Variants in HHAT observed in about 807,000 individuals in gnomAD.
The protein encoded by HHAT is protein-cysteine N-palmitoyltransferase HHAT.
Under a neutral mutation model 70.8 loss-of-function variants are expected in HHAT, and 47 were observed. That is an observed-to-expected ratio of 0.66 (90% CI 0.53 to 0.85). The LOEUF is 0.85. Ranked by LOEUF, HHAT falls within the 40% of genes least tolerant of loss-of-function variation. HHAT has a pLI of 0.00. For missense variants in HHAT, 609 were observed against 604.8 expected (o/e 1.01, Z -0.07); for synonymous variants, 228 against 247.6 (o/e 0.92, Z 0.74).
At chr1:210,672,353 T>C (rs1337624004) in intron 11 of HHAT, among the ~76,000 whole-genome samples, 4 of 152,206 alleles carry the variant, frequency 2.6e-5, no homozygotes, top group East Asian at 3.8e-4. Context: ...CCACTGTCTG[T>C]CTGCCTGCCT....
At chr1:210,371,787 A>C (rs2089595171) in intron 3 of HHAT, among the ~76,000 whole-genome samples, 1 of 152,196 alleles carries the variant, frequency 6.6e-6, no homozygotes, top group South Asian at 2.1e-4. Context: ...AAACGTTGCC[A>C]AGAGATCAAT....
Position 210,361,459 on chromosome 1 carries a change from C to T in HHAT, c.92-1393C>T, listed in dbSNP as rs186542297. On this transcript the variant is annotated intron_variant, in intron 2 of 11. Transcript: ENST00000261458. ...TGTGGCTGGGGCTCCTGGAGGTGTGCGGTGTGTACCCTGGGCCGGTTTGCA... is the reference window on the plus strand; with the variant it reads ...TGTGGCTGGGGCTCCTGGAGGTGTGTGGTGTGTACCCTGGGCCGGTTTGCA... Among the ~76,000 whole-genome samples the T allele has an allele frequency of 2.6e-5, 4 of 152,182 alleles. No individual in the cohort carries two copies. The East Asian group carries it at 7.7e-4, about 29-fold the overall frequency.
intron 8 of HHAT, among the ~76,000 whole-genome samples, chr1:210,469,350 C>T (rs2094160865): frequency 6.6e-6 from 1 of 152,096 alleles, no homozygotes; most frequent in Non-Finnish European, 1.5e-5. Flanking sequence ...CTAGATGATG[C>T]CTGTGTTCCC....
At chr1:210,671,806 C>T (rs1680141061) in intron 11 of HHAT, among the ~76,000 whole-genome samples, 1 of 152,238 alleles carries the variant, frequency 6.6e-6, no homozygotes, top group Non-Finnish European at 1.5e-5. Context: ...AGGACACATA[C>T]TGGCTGCCTA....
chr1:210,668,775 A>T (rs961898075), intron 11 of HHAT, among the ~76,000 whole-genome samples: 20 of 151,564 alleles, frequency 1.3e-4, no homozygotes, highest in Admixed American at 2.6e-4. Flanking sequence ...TTATTTATTT[A>T]TTTTTTTTAT....
At chr1:210,332,045 G>A (rs1232302319) in intron 1 of HHAT, among the ~76,000 whole-genome samples, 1 of 152,218 alleles carries the variant, frequency 6.6e-6, no homozygotes, top group Non-Finnish European at 1.5e-5. Flanking sequence ...TTAAGGGCAT[G>A]TACTTTAATG....
intron 7 of HHAT, among the ~76,000 whole-genome samples, chr1:210,444,855 C>T (rs1558528827): frequency 6.6e-6 from 1 of 151,940 alleles, no homozygotes; most frequent in Non-Finnish European, 1.5e-5. Context: ...TTTTCTTTCT[C>T]CTGAGACAGA....
chr1:210,496,034 A>AAAAAG lies in HHAT; in HGVS notation c.1008-17117_1008-17116insAAGAA, dbSNP rs1558024204. On this transcript the variant is annotated intron_variant, in intron 8 of 11. Coordinates refer to ENST00000261458, the MANE Select transcript of HHAT (RefSeq NM_018194.6). ...TCAAAAAAAAAAAAAAAAAAAAGAA[A>AAAAAG]AAGAAAATGGAGTAGAAAATATCAG... is the stretch of plus-strand genomic sequence containing the variant. Among the ~76,000 whole-genome samples, 9 of 149,162 alleles carry AAAAAG rather than the reference A, an allele frequency of 6.0e-5. No individual in the cohort carries two copies. In the East Asian group the frequency reaches 1.7e-3, roughly 27 times the overall value.
At chr1:210,642,340 T>C (rs575945155) in intron 11 of HHAT, among the ~76,000 whole-genome samples, 11 of 152,352 alleles carry the variant, frequency 7.2e-5, no homozygotes, top group Non-Finnish European at 1.2e-4. Flanking sequence ...AGATTGAGAC[T>C]GTTAAAAACC....
intron 3 of HHAT, among the ~76,000 whole-genome samples, chr1:210,369,521 G>A (rs1403910475): frequency 6.6e-6 from 1 of 152,212 alleles, no homozygotes; most frequent in African/African-American, 2.4e-5. Context: ...TAATACTTCA[G>A]GAAAACAACA....
chr1:210,484,477 C>T (rs370577297), intron 8 of HHAT, among the ~76,000 whole-genome samples: 10 of 145,948 alleles, frequency 6.9e-5, no homozygotes, highest in East Asian at 2.0e-4. Flanking sequence ...CTGATTTATC[C>T]GCTGTTACCA....
chr1:210,663,025 C>T (rs1678093547), intron 11 of HHAT, among the ~76,000 whole-genome samples: 2 of 152,134 alleles, frequency 1.3e-5, no homozygotes, highest in South Asian at 2.1e-4. Context: ...TTGCCAAATC[C>T]TCTTGCAGGC....
rs932088612 is a variant in HHAT at position 210,358,602 on chromosome 1, C to T, written c.92-4250C>T. On this transcript the variant is annotated intron_variant, in intron 2 of 11. Transcript: ENST00000261458. The stretch of plus-strand genomic sequence containing the variant: ...CATTAGAAGCCCGTCTTTTCTGTGC[C>T]CCCTTCCCATTCTCAATGACTACCA... Among the ~76,000 whole-genome samples, 9 of 152,144 alleles carry T rather than the reference C, an allele frequency of 5.9e-5. No homozygotes were observed. In the South Asian group the frequency reaches 1.2e-3, roughly 21 times the overall value.
At chr1:210,438,617 C>T (rs764853843) in intron 7 of HHAT, among the ~76,000 whole-genome samples, 6 of 151,698 alleles carry the variant, frequency 4.0e-5, no homozygotes, top group African/African-American at 1.5e-4. Flanking sequence ...ATTTTTCTTA[C>T]GGTTATTTGG....
At chr1:210,589,399 A>G (rs1002958006) in intron 10 of HHAT, 1 of 152,252 alleles carries the variant, frequency 6.6e-6, no homozygotes, top group African/African-American at 2.4e-5. Context: ...ATTCTAACAG[A>G]AAATGTTATT....
At chr1:210,366,738 G>A (rs1265397250) in intron 3 of HHAT, among the ~76,000 whole-genome samples, 1 of 152,164 alleles carries the variant, frequency 6.6e-6, no homozygotes, top group Non-Finnish European at 1.5e-5. Context: ...CAATATTTAA[G>A]GGCTCTTAAA....
At chr1:210,365,831 G>T (rs1461045726) in intron 3 of HHAT, among the ~76,000 whole-genome samples, 1 of 151,716 alleles carries the variant, frequency 6.6e-6, no homozygotes. Flanking sequence ...GGCTAGGCTG[G>T]TCTCAAACTC....
intron 11 of HHAT, among the ~76,000 whole-genome samples, chr1:210,661,177 G>C (rs1179417894): frequency 6.6e-6 from 1 of 151,992 alleles, no homozygotes; most frequent in African/African-American, 2.4e-5. Context: ...ATCTGACAAA[G>C]GGCTAATATC....
intron 2 of HHAT, among the ~76,000 whole-genome samples, chr1:210,355,130 C>G (rs907432973): frequency 6.6e-5 from 10 of 152,128 alleles, no homozygotes; most frequent in African/African-American, 2.4e-4. Flanking sequence ...TATTTCTGAT[C>G]TACACTAAAG....
Sources: gnomAD v4.1 joint callset for allele counts (sites outside exome capture counted in the v4.1 genomes callset) on GRCh38, gnomAD v4.1.1 for gene constraint, MANE v1.5 for transcripts, NCBI Gene and HGNC (gene_info 2026-07-23, HGNC 2026-07-21) for gene names.